TRIM67: variants seen among roughly 807,000 people sequenced by gnomAD.
TRIM67 encodes tripartite motif containing 67.
A neutral mutation model predicts 71.0 loss-of-function variants in TRIM67; 39 were observed. The ratio of observed to expected loss-of-function variants is 0.55; its 90% CI spans 0.43 to 0.72. TRIM67 has a LOEUF of 0.72. TRIM67 is among the 30% of genes least tolerant of loss of function. The pLI is 0.00. For synonymous variants in TRIM67, 481 were observed against 473.9 expected (o/e 1.01, Z -0.19); for missense variants, 973 against 1,079.2 (o/e 0.90, Z 1.38).
intron 1 of TRIM67, among the ~76,000 whole-genome samples, chr1:231,192,905 G>C (rs746505515): frequency 6.6e-6 from 1 of 152,256 alleles, no homozygotes; most frequent in African/African-American, 2.4e-5. Context: ...ATTAGCCTGC[G>C]GTCACGGGTC....
At chr1:231,212,672 A>G (rs572718047) in intron 8 of TRIM67, among the ~76,000 whole-genome samples, 1 of 152,268 alleles carries the variant, frequency 6.6e-6, no homozygotes, top group East Asian at 1.9e-4. Context: ...ACGGTGAGCC[A>G]TGATTGCACC....
intron 7 of TRIM67, among the ~76,000 whole-genome samples, chr1:231,207,628 A>G (rs1174486033): frequency 6.6e-6 from 1 of 152,180 alleles, no homozygotes; most frequent in Non-Finnish European, 1.5e-5. Flanking sequence ...CCACAGCTGG[A>G]TGGTCTCCTA....
intron 1 of TRIM67, chr1:231,184,589 G>T: frequency 5.4e-6 from 1 of 184,562 alleles, no homozygotes; most frequent in South Asian, 1.2e-4. Flanking sequence ...CAGTGGTACT[G>T]GAGTCCTAAT....
chr1:231,195,652 C>T (rs556386696), intron 1 of TRIM67, among the ~76,000 whole-genome samples: 8 of 152,342 alleles, frequency 5.3e-5, no homozygotes, highest in South Asian at 2.1e-4. Context: ...TCCTGGGGAC[C>T]GGGCCCCCTT....
At chr1:231,202,045 AGGTAGTCATGGAGGAGGAGATGGAG>A (rs1683540468) in intron 5 of TRIM67, among the ~76,000 whole-genome samples, 27 of 151,764 alleles carry the variant, frequency 1.8e-4, no homozygotes, top group East Asian at 3.9e-4. Flanking sequence ...GAGGTGGAGG[AGGTAGTCATGGAGGAGGAGATGGAG>A]GAGGAGGAGG....
At chr1:231,201,743 G>A (rs1377290381) in intron 5 of TRIM67, among the ~76,000 whole-genome samples, 1 of 152,198 alleles carries the variant, frequency 6.6e-6, no homozygotes, top group Non-Finnish European at 1.5e-5. Flanking sequence ...CTTCCCATTT[G>A]TGAAAAAGAC....
intron 2 of TRIM67, 110 bp from the exon 3 acceptor site, chr1:231,198,937 C>T (rs1683446400): frequency 6.6e-7 from 1 of 1,521,596 alleles, no homozygotes. Context: ...ATAGAGAAAT[C>T]TAGGATGAAC....
Position 231,220,471 on chromosome 1 carries a change from A to G in TRIM67, c.*5031A>G, listed in dbSNP as rs913652880. 6.5e-6 allele frequency: 1 copy of G among 153,648 alleles called. No individual in the cohort carries two copies. Among genetic ancestry groups the G allele is most frequent in the Non-Finnish European group, 1.4e-5 (1 of 69,150 alleles). 9.5% of individuals were successfully genotyped at this position (153,648 alleles called of 1,614,324 possible). A position where few individuals can be genotyped will look rare whatever the true frequency, so the allele number is the denominator to read the frequency against. Reference sequence around the variant, plus strand: ...AGGCCTCTGCCTTCTTTGTTACCTAAGTTCTGGTATCTAAGGGGTCTCTCA... The same window carrying G: ...AGGCCTCTGCCTTCTTTGTTACCTAGGTTCTGGTATCTAAGGGGTCTCTCA... On this transcript the variant is annotated 3_prime_UTR_variant, in exon 10 of 10. Coordinates refer to ENST00000366653, the MANE Select transcript of TRIM67 (RefSeq NM_001004342.5).
In TRIM67 at chr1:231,164,671, T is replaced by C. The variant is rs151188348; in HGVS notation, c.1044+658T>C. On this transcript the variant is annotated intron_variant, in intron 1 of 9. Coordinates refer to ENST00000366653, the MANE Select transcript of TRIM67 (RefSeq NM_001004342.5). ...AACTTCAGACACCAATTATTCCTTG[T>C]AGTCTTACCAGTAAACAGTCACCGC... Among the ~76,000 whole-genome samples the C allele has an allele frequency of 8.8e-4, 134 of 152,300 alleles. 3 individuals carry two copies. The East Asian group carries it at 0.021, about 24-fold the overall frequency.
At chr1:231,203,794 G>T in intron 5 of TRIM67, 73 bp from the exon 6 acceptor site, 1 of 1,535,102 alleles carries the variant, frequency 6.5e-7, no homozygotes, top group Non-Finnish European at 8.8e-7. Context: ...CCCCTGGGAT[G>T]GGGTGGGGTG....
chr1:231,162,679 C>A lies in TRIM67; in HGVS notation c.-291C>A, dbSNP rs956761956. 5 of 422,524 alleles carry A rather than the reference C, an allele frequency of 1.2e-5. No homozygotes were observed. The highest frequency in any genetic ancestry group is 3.2e-5 in the South Asian group (1 of 31,640). The allele number at this position is 422,524 out of a possible 1,614,324, so 26.2% of individuals were successfully genotyped here. On this transcript the variant is annotated 5_prime_UTR_variant, in exon 1 of 10. Coordinates refer to ENST00000366653, the MANE Select transcript of TRIM67 (RefSeq NM_001004342.5). ...TCACCTAAAGCTCCTCGCAGGCCAC[C>A]GCGAGGGCAGCCGACCGGCTCCGGA...
At position 231,162,860 on chromosome 1, in the gene TRIM67, C is replaced by T. The variant is rs1032684258; in HGVS notation, c.-110C>T. ...GTGAAGTGGGCATGCCCGTGTGATG[C>T]CCCCGCCCGTCGTCTCACCGGGGCG... On this transcript the variant is annotated 5_prime_UTR_variant, in exon 1 of 10. Coordinates refer to ENST00000366653, the MANE Select transcript of TRIM67 (RefSeq NM_001004342.5). The T allele has an allele frequency of 4.9e-6, 7 of 1,431,784 alleles. No individual in the cohort carries two copies. In the South Asian group the frequency reaches 6.8e-5, roughly 14 times the overall value. The allele number at this position is 1,431,784 out of a possible 1,614,324, so 88.7% of individuals were successfully genotyped here.
At chr1:231,190,643 G>T (rs1177654442) in intron 1 of TRIM67, among the ~76,000 whole-genome samples, 2 of 152,168 alleles carry the variant, frequency 1.3e-5, no homozygotes, top group African/African-American at 4.8e-5. Flanking sequence ...CATCTACCCA[G>T]GGGCGTCCCT....
intron 8 of TRIM67, among the ~76,000 whole-genome samples, chr1:231,212,799 C>G (rs1351337632): frequency 6.6e-6 from 1 of 152,158 alleles, no homozygotes; most frequent in Non-Finnish European, 1.5e-5. Context: ...CAAGCCCCCC[C>G]TTGGGAGCAT....
Position 231,219,083 on chromosome 1 carries a change from T to C in TRIM67, c.*3643T>C. 1 of 985,554 alleles carries C rather than the reference T, an allele frequency of 1.0e-6. No individual in the cohort carries two copies. The highest frequency in any genetic ancestry group is 4.7e-5 in the South Asian group (1 of 21,282). 61.1% of individuals were successfully genotyped at this position (985,554 alleles called of 1,614,324 possible). A position where few individuals can be genotyped will look rare whatever the true frequency, so the allele number is the denominator to read the frequency against. On this transcript the variant is annotated 3_prime_UTR_variant, in exon 10 of 10. Coordinates refer to ENST00000366653, the MANE Select transcript of TRIM67 (RefSeq NM_001004342.5). ...GGCTGCTGCTGGTCCCATGGCCACC[T>C]GCTGGCTTTGAGGTAGTGAGGGAGG...
chr1:231,191,866 T>C (rs551105636), intron 1 of TRIM67, among the ~76,000 whole-genome samples: 135 of 152,300 alleles, frequency 8.9e-4, no homozygotes, highest in African/African-American at 3.0e-3. Context: ...ATCAATTCAC[T>C]GACACAAATA....
chr1:231,179,089 G>C (rs1261938548), intron 1 of TRIM67, among the ~76,000 whole-genome samples: 3 of 152,226 alleles, frequency 2.0e-5, no homozygotes, highest in African/African-American at 7.2e-5. Context: ...AAGCTGGGTA[G>C]CTTAAAACAA....
At chr1:231,202,253 AAGGAGGAGGTGGTGGCGGAGG>A (rs1262592512) in intron 5 of TRIM67, among the ~76,000 whole-genome samples, 3,207 of 11,978 alleles carry the variant, frequency 0.27, 75 homozygotes, top group East Asian at 0.41. Context: ...GGTAGTGGAG[AAGGAGGAGGTGGTGGCGGAGG>A]AGGAGGAGGT....
At chr1:231,211,020 CAAA>C (rs113952856) in intron 8 of TRIM67, among the ~76,000 whole-genome samples, 56 of 133,868 alleles carry the variant, frequency 4.2e-4, no homozygotes, top group African/African-American at 1.2e-3. Flanking sequence ...TCCTCTCTAC[CAAA>C]AAAAAAAAAT....
Sources: gnomAD v4.1 joint callset for allele counts (sites outside exome capture counted in the v4.1 genomes callset) on GRCh38, gnomAD v4.1.1 for gene constraint, MANE v1.5 for transcripts, NCBI Gene and HGNC (gene_info 2026-07-23, HGNC 2026-07-21) for gene names.